SLC13A3: variants seen among roughly 807,000 people sequenced by gnomAD.
The protein encoded by SLC13A3 is Na(+)/dicarboxylate cotransporter 3.
Under a neutral mutation model 59.0 loss-of-function variants are expected in SLC13A3, and 40 were observed. The ratio of observed to expected loss-of-function variants is 0.68; its 90% confidence interval spans 0.53 to 0.88. The LOEUF is 0.88. SLC13A3 is among the 40% of genes least tolerant of loss of function. SLC13A3 has a pLI of 0.00. For missense variants in SLC13A3, 699 were observed against 783.2 expected (o/e 0.89, Z 1.28); for synonymous variants, 317 against 330.3 (o/e 0.96, Z 0.44).
chr20:46,574,137 T>A (rs1490323242), intron 10 of SLC13A3, among the ~76,000 whole-genome samples: 1 of 152,134 alleles, frequency 6.6e-6, no homozygotes, highest in African/African-American at 2.4e-5. Context: ...TAGTAGCTGA[T>A]TCAGTGGTGT....
intron 1 of SLC13A3, among the ~76,000 whole-genome samples, chr20:46,614,950 CTT>C (rs1249272398): frequency 1.3e-5 from 2 of 152,272 alleles, no homozygotes; most frequent in East Asian, 3.9e-4. Flanking sequence ...ACAGAGGAAA[CTT>C]TTGGGCTGAT....
intron 1 of SLC13A3, among the ~76,000 whole-genome samples, chr20:46,679,881 C>T (rs1401419800): frequency 6.7e-6 from 1 of 150,248 alleles, no homozygotes; most frequent in Non-Finnish European, 1.5e-5. Flanking sequence ...ACACTCCAGC[C>T]TGAGTGACAG....
chr20:46,592,639 T>G, intron 5 of SLC13A3, 110 bp from the exon 6 acceptor site: 1 of 1,101,102 alleles, frequency 9.1e-7, no homozygotes, highest in Non-Finnish European at 1.3e-6. Context: ...AATGAGAGGG[T>G]CCCATGGAAG....
intron 1 of SLC13A3, among the ~76,000 whole-genome samples, chr20:46,634,276 T>C (rs967399621): frequency 2.3e-4 from 35 of 152,286 alleles, no homozygotes; most frequent in African/African-American, 7.2e-4. Context: ...GAACTGATTT[T>C]CGTGTGCCCA....
intron 1 of SLC13A3, among the ~76,000 whole-genome samples, chr20:46,684,153 C>A (rs112128065): frequency 2.6e-5 from 4 of 152,296 alleles, no homozygotes; most frequent in African/African-American, 7.2e-5. Context: ...CAACTTCGCA[C>A]GCCACAGCCT....
chr20:46,632,918 T>G lies in SLC13A3; in HGVS notation c.111+18393A>C, dbSNP rs368931445. Among the ~76,000 whole-genome samples, 51 of 31,922 alleles carry G rather than the reference T, an allele frequency of 1.6e-3. 2 individuals are homozygous for G. Among genetic ancestry groups the G allele is most frequent in the Middle Eastern group, 0.02 (1 of 50 alleles). 20.9% of individuals were successfully genotyped at this position (31,922 alleles called of 152,430 possible). On this transcript the variant is annotated intron_variant, in intron 1 of 12. Transcript: ENST00000279027. ...ATAGATAGATAGATAGATATATCTA[T>G]CTATCTATCTATCTATCTATCTATC...
chr20:46,601,794 G>A (rs577510226), intron 3 of SLC13A3, among the ~76,000 whole-genome samples: 1 of 152,282 alleles, frequency 6.6e-6, no homozygotes, highest in East Asian at 1.9e-4. Context: ...CAAAGGCCCT[G>A]GGGTGGGAGC....
chr20:46,565,529 G>T (rs1481374364), intron 11 of SLC13A3, among the ~76,000 whole-genome samples: 2 of 152,158 alleles, frequency 1.3e-5, no homozygotes, highest in Non-Finnish European at 2.9e-5. Flanking sequence ...TCACCATGTT[G>T]CCCAGGCTAG....
At chr20:46,662,507 A>C (rs930257121) in intron 1 of SLC13A3, among the ~76,000 whole-genome samples, 4 of 152,218 alleles carry the variant, frequency 2.6e-5, no homozygotes, top group African/African-American at 9.6e-5. Flanking sequence ...GAATACAGAG[A>C]CTTATGGGTA....
At chr20:46,600,398 G>A (rs1164863884) in intron 3 of SLC13A3, among the ~76,000 whole-genome samples, 1 of 147,068 alleles carries the variant, frequency 6.8e-6, no homozygotes, top group Non-Finnish European at 1.5e-5. Context: ...GGGAAAGAAA[G>A]AAAGAAAGGA....
intron 1 of SLC13A3, among the ~76,000 whole-genome samples, chr20:46,632,406 C>T (rs953198202): frequency 7.9e-5 from 12 of 151,692 alleles, no homozygotes; most frequent in African/African-American, 2.4e-4. Flanking sequence ...ATGGGAATGA[C>T]GGCCTCACAG....
intron 1 of SLC13A3, among the ~76,000 whole-genome samples, chr20:46,630,160 A>G (rs931421650): frequency 6.6e-6 from 1 of 152,218 alleles, no homozygotes; most frequent in Non-Finnish European, 1.5e-5. Context: ...CGAAGACCCA[A>G]GACGGTCACA....
At chr20:46,683,734 G>A (rs2063164891) in intron 1 of SLC13A3, among the ~76,000 whole-genome samples, 1 of 152,174 alleles carries the variant, frequency 6.6e-6, no homozygotes, top group South Asian at 2.1e-4. Context: ...CCGTGACCAT[G>A]AGACAACGAG....
At chr20:46,651,474 C>T (rs914325661), upstream of SLC13A3, 4 of 1,332,888 alleles carry the variant, frequency 3.0e-6, no homozygotes, top group Non-Finnish European at 3.8e-6. Flanking sequence ...CGCCTGGCCC[C>T]GGCGCCGGCT....
intron 4 of SLC13A3, among the ~76,000 whole-genome samples, chr20:46,598,322 G>A (rs1227305962): frequency 1.3e-5 from 2 of 152,156 alleles, no homozygotes; most frequent in Admixed American, 1.3e-4. Flanking sequence ...TGGCAGGCCT[G>A]GTCCAGAACT....
At chr20:46,615,536 G>A (rs1465723605) in intron 1 of SLC13A3, among the ~76,000 whole-genome samples, 1 of 152,172 alleles carries the variant, frequency 6.6e-6, no homozygotes, top group African/African-American at 2.4e-5. Context: ...GTGAGAAGTA[G>A]TTGAATTCTC....
chr20:46,652,651 TC>T (rs560976653), upstream of SLC13A3, among the ~76,000 whole-genome samples: 79 of 150,934 alleles, frequency 5.2e-4, no homozygotes, highest in East Asian at 0.015. Flanking sequence ...ATCTCGGGCC[TC>T]CCAAAGTTCT....
At chr20:46,656,635 T>A (rs1472881888) in intron 1 of SLC13A3, among the ~76,000 whole-genome samples, 2 of 149,428 alleles carry the variant, frequency 1.3e-5, no homozygotes, top group East Asian at 3.9e-4. Context: ...CTGTATATGA[T>A]ATATACTACC....
intron 1 of SLC13A3, among the ~76,000 whole-genome samples, chr20:46,683,100 A>C (rs1445008193): frequency 6.6e-6 from 1 of 152,160 alleles, no homozygotes; most frequent in Non-Finnish European, 1.5e-5. Context: ...TGCAAAGATC[A>C]TTACTGCTTC....
Sources: allele counts gnomAD v4.1 joint callset (sites outside exome capture counted in the v4.1 genomes callset), GRCh38; gene constraint gnomAD v4.1.1; transcripts MANE v1.5; gene names NCBI Gene and HGNC (gene_info 2026-07-23, HGNC 2026-07-21).